GPC5: variants seen among roughly 807,000 people sequenced by gnomAD.
The protein encoded by GPC5 is glypican-5.
Under a neutral mutation model 53.9 loss-of-function variants are expected in GPC5, and 47 were observed. The observed-to-expected ratio is 0.87, with a 90% CI of 0.69 to 1.11. GPC5 has a LOEUF of 1.11. Ranked by LOEUF, GPC5 falls within the 50% of genes most tolerant of loss-of-function variation. The pLI is 0.00. For synonymous variants in GPC5, 286 were observed against 263.3 expected (o/e 1.09, Z -0.84); for missense variants, 748 against 713.1 (o/e 1.05, Z -0.56).
intron 2 of GPC5, among the ~76,000 whole-genome samples, chr13:91,571,456 C>G (rs2031775798): frequency 6.6e-6 from 1 of 152,012 alleles, no homozygotes; most frequent in Non-Finnish European, 1.5e-5. Flanking sequence ...CTCAAACTGA[C>G]AAGCACAGTA....
chr13:92,564,980 C>A (rs1444693653), intron 7 of GPC5, among the ~76,000 whole-genome samples: 1 of 151,826 alleles, frequency 6.6e-6, no homozygotes, highest in African/African-American at 2.4e-5. Flanking sequence ...CATTAAACAC[C>A]CAGATGTAAA....
At chr13:91,939,956 C>A (rs796423522) in intron 6 of GPC5, among the ~76,000 whole-genome samples, 2 of 152,082 alleles carry the variant, frequency 1.3e-5, no homozygotes, top group South Asian at 4.1e-4. Context: ...CCTGTTTAGA[C>A]CTCCCATCTT....
At chr13:91,601,666 G>C (rs2033186220) in intron 2 of GPC5, among the ~76,000 whole-genome samples, 1 of 152,130 alleles carries the variant, frequency 6.6e-6, no homozygotes, top group Non-Finnish European at 1.5e-5. Flanking sequence ...GTTGCCCTCT[G>C]TTACGAGAAT....
chr13:91,813,024 T>C (rs1024165428), intron 5 of GPC5, among the ~76,000 whole-genome samples: 4 of 152,186 alleles, frequency 2.6e-5, no homozygotes, highest in African/African-American at 9.7e-5. Context: ...GCCCAAAGTG[T>C]CACGGAAGTA....
intron 7 of GPC5, among the ~76,000 whole-genome samples, chr13:92,316,875 G>T (rs1379508937): frequency 6.6e-6 from 1 of 151,954 alleles, no homozygotes; most frequent in Non-Finnish European, 1.5e-5. Context: ...TTTAGACAAG[G>T]TGTTTTTCTC....
chr13:91,928,831 TC>T (rs1164877581), intron 6 of GPC5, among the ~76,000 whole-genome samples: 1 of 152,114 alleles, frequency 6.6e-6, no homozygotes, highest in African/African-American at 2.4e-5. Context: ...CATTATAACC[TC>T]AGCATGCCTG....
chr13:91,536,732 A>G (rs112841317), intron 2 of GPC5, among the ~76,000 whole-genome samples: 1 of 152,158 alleles, frequency 6.6e-6, no homozygotes, highest in Non-Finnish European at 1.5e-5. Context: ...GTCCACCCCA[A>G]TGTCTCATTT....
intron 7 of GPC5, among the ~76,000 whole-genome samples, chr13:92,315,980 A>C (rs556330251): frequency 6.6e-6 from 1 of 152,272 alleles, no homozygotes. Context: ...TAAGTTGTTC[A>C]TGTATAATAT....
chr13:92,837,047 T>A (rs1472200665), intron 7 of GPC5, among the ~76,000 whole-genome samples: 1 of 152,136 alleles, frequency 6.6e-6, no homozygotes, highest in Non-Finnish European at 1.5e-5. Flanking sequence ...AGGCACATTA[T>A]GGAAGAGACC....
At chr13:92,768,353 C>T (rs1344733799) in intron 7 of GPC5, among the ~76,000 whole-genome samples, 1 of 152,058 alleles carries the variant, frequency 6.6e-6, no homozygotes, top group Non-Finnish European at 1.5e-5. Flanking sequence ...CCTTATGAGC[C>T]TAATTTTTCA....
chr13:92,052,342 C>T (rs1313273214), intron 6 of GPC5, among the ~76,000 whole-genome samples: 1 of 152,178 alleles, frequency 6.6e-6, no homozygotes, highest in Non-Finnish European at 1.5e-5. Context: ...AGTGTTACAG[C>T]TCTTAAAGGT....
intron 7 of GPC5, among the ~76,000 whole-genome samples, chr13:92,848,159 C>A (rs1050640569): frequency 3.3e-5 from 5 of 152,118 alleles, no homozygotes; most frequent in Admixed American, 6.5e-5. Context: ...AAATAAAAAT[C>A]ATATTTCTGT....
intron 6 of GPC5, among the ~76,000 whole-genome samples, chr13:91,988,785 A>G (rs940684103): frequency 2.7e-5 from 4 of 149,698 alleles, no homozygotes; most frequent in South Asian, 2.1e-4. Flanking sequence ...GAAATTTGTT[A>G]TGTGGAATAC....
chr13:91,822,104 T>C (rs891232774), intron 5 of GPC5, among the ~76,000 whole-genome samples: 1 of 152,160 alleles, frequency 6.6e-6, no homozygotes, highest in Non-Finnish European at 1.5e-5. Flanking sequence ...TAGAGTGGGA[T>C]TTCCTAGATG....
At chr13:91,822,236 T>C (rs1301629293) in intron 5 of GPC5, among the ~76,000 whole-genome samples, 2 of 152,166 alleles carry the variant, frequency 1.3e-5, no homozygotes, top group African/African-American at 4.8e-5. Flanking sequence ...TTGAGAGCAC[T>C]TGAGTCCCTG....
intron 7 of GPC5, among the ~76,000 whole-genome samples, chr13:92,573,617 G>A (rs1594314928): frequency 6.6e-6 from 1 of 152,144 alleles, no homozygotes; most frequent in East Asian, 1.9e-4. Context: ...GGTAGAGGGC[G>A]ATATAGTGAC....
intron 6 of GPC5, among the ~76,000 whole-genome samples, chr13:92,084,359 AT>A (rs1302403981): frequency 6.6e-6 from 1 of 152,220 alleles, no homozygotes. Flanking sequence ...CTTTATAGGC[AT>A]TATGTATTCT....
chr13:92,189,020 G>A (rs1015520700), intron 7 of GPC5, among the ~76,000 whole-genome samples: 1 of 152,044 alleles, frequency 6.6e-6, no homozygotes, highest in African/African-American at 2.4e-5. Context: ...TGGTGTAGGG[G>A]GAGGATAACC....
At chr13:91,618,498 C>T (rs774144732) in intron 2 of GPC5, among the ~76,000 whole-genome samples, 1 of 152,068 alleles carries the variant, frequency 6.6e-6, no homozygotes, top group Non-Finnish European at 1.5e-5. Flanking sequence ...TACTCTCTCT[C>T]AGCCCACTCA....
Sources: allele counts gnomAD v4.1 joint callset (sites outside exome capture counted in the v4.1 genomes callset), GRCh38; gene constraint gnomAD v4.1.1; transcripts MANE v1.5; gene names NCBI Gene and HGNC (gene_info 2026-07-23, HGNC 2026-07-21).